SLC9A9: variants seen among roughly 807,000 people sequenced by gnomAD.
The protein encoded by SLC9A9 is solute carrier family 9 member A9, also known as sodium/hydrogen exchanger 9.
In SLC9A9, 62 loss-of-function variants were observed where a neutral mutation model predicts 77.8. That is an observed-to-expected ratio of 0.80 (90% CI 0.65 to 0.98). The LOEUF (loss-of-function observed/expected upper bound fraction) is 0.98, where lower values mean the gene tolerates loss of function less well. SLC9A9 is among the 50% of genes least tolerant of loss of function. The pLI, the probability that SLC9A9 is intolerant of heterozygous loss-of-function variation, is 0.00. For missense variants in SLC9A9, 775 were observed against 774.9 expected, an observed-to-expected ratio of 1.00 and a Z score of 0.00; for synonymous variants, 320 against 283.5, an observed-to-expected ratio of 1.13 and a Z score of -1.29.
chr3:143,592,628 G>A (rs983087748), intron 6 of SLC9A9, among the ~76,000 whole-genome samples: 2 of 152,208 alleles, frequency 1.3e-5, no homozygotes, highest in Non-Finnish European at 2.9e-5. Flanking sequence ...GGGAGTGACT[G>A]ACAGAGTTGG....
chr3:143,668,324 C>T (rs1195073294), intron 5 of SLC9A9, among the ~76,000 whole-genome samples: 3 of 115,468 alleles, frequency 2.6e-5, no homozygotes, highest in African/African-American at 7.0e-5. Flanking sequence ...CACCCTGGGG[C>T]CTGTCGTGGG....
At chr3:143,537,779 T>C (rs2036616977) in intron 9 of SLC9A9, among the ~76,000 whole-genome samples, 1 of 152,128 alleles carries the variant, frequency 6.6e-6, no homozygotes, top group Non-Finnish European at 1.5e-5. Context: ...GTGCCTCCCT[T>C]TCTCAGAGTG....
At chr3:143,801,245 G>A (rs1046551178) in intron 2 of SLC9A9, among the ~76,000 whole-genome samples, 10 of 152,128 alleles carry the variant, frequency 6.6e-5, no homozygotes, top group Non-Finnish European at 1.2e-4. Context: ...CCGGGACCGC[G>A]CCCTGTAGAC....
At chr3:143,494,257 C>A (rs2035796510) in intron 10 of SLC9A9, among the ~76,000 whole-genome samples, 1 of 152,192 alleles carries the variant, frequency 6.6e-6, no homozygotes, top group Non-Finnish European at 1.5e-5. Context: ...GAGGAATTAC[C>A]TGTCTAATTA....
intron 6 of SLC9A9, among the ~76,000 whole-genome samples, chr3:143,629,999 T>C (rs2038393473): frequency 6.6e-6 from 1 of 152,120 alleles, no homozygotes; most frequent in Non-Finnish European, 1.5e-5. Flanking sequence ...TCCAATTATA[T>C]TATTTTTACT....
chr3:143,812,172 A>T (rs1019855838), intron 2 of SLC9A9, among the ~76,000 whole-genome samples: 1 of 152,210 alleles, frequency 6.6e-6, no homozygotes, highest in Non-Finnish European at 1.5e-5. Context: ...ACTTTGTATT[A>T]CTCCTAAGAA....
chr3:143,419,245 C>A (rs2034253485), intron 12 of SLC9A9, among the ~76,000 whole-genome samples: 1 of 152,184 alleles, frequency 6.6e-6, no homozygotes. Flanking sequence ...AGGCACCACT[C>A]TAAGCACCTC....
chr3:143,393,063 A>G (rs1013648403), intron 12 of SLC9A9, among the ~76,000 whole-genome samples: 7 of 152,224 alleles, frequency 4.6e-5, no homozygotes, highest in African/African-American at 1.7e-4. Flanking sequence ...AAGGATATCC[A>G]GGAATTGAAC....
intron 12 of SLC9A9, among the ~76,000 whole-genome samples, chr3:143,448,697 C>T (rs868752438): frequency 4.7e-5 from 7 of 149,420 alleles, no homozygotes; most frequent in African/African-American, 7.4e-5. Context: ...AGAATCTATC[C>T]TAAGAAAGAA....
At chr3:143,448,125 G>A (rs558292638) in intron 12 of SLC9A9, among the ~76,000 whole-genome samples, 2 of 152,220 alleles carry the variant, frequency 1.3e-5, no homozygotes, top group South Asian at 2.1e-4. Context: ...TGCTTCATTG[G>A]CCAGACAGCC....
intron 14 of SLC9A9, among the ~76,000 whole-genome samples, chr3:143,275,517 G>T (rs1938019797): frequency 6.6e-6 from 1 of 152,026 alleles, no homozygotes; most frequent in South Asian, 2.1e-4. Flanking sequence ...TCTTCAATAT[G>T]TGTCACTTTC....
intron 6 of SLC9A9, among the ~76,000 whole-genome samples, chr3:143,650,574 T>A (rs1271708134): frequency 2.0e-5 from 3 of 152,208 alleles, no homozygotes; most frequent in Non-Finnish European, 4.4e-5. Flanking sequence ...TATTTGAATA[T>A]GTAAGCTTTG....
At chr3:143,357,876 G>A (rs1228858032) in intron 14 of SLC9A9, among the ~76,000 whole-genome samples, 1 of 152,122 alleles carries the variant, frequency 6.6e-6, no homozygotes, top group Non-Finnish European at 1.5e-5. Flanking sequence ...GTTTCAGCCA[G>A]TCAGGATAGG....
intron 14 of SLC9A9, among the ~76,000 whole-genome samples, chr3:143,313,833 A>C (rs1244118891): frequency 1.3e-5 from 2 of 152,164 alleles, no homozygotes; most frequent in Non-Finnish European, 2.9e-5. Flanking sequence ...TGGGCCTGCC[A>C]CTCATTGGAA....
intron 9 of SLC9A9, among the ~76,000 whole-genome samples, chr3:143,525,651 G>A (rs1219590741): frequency 6.6e-6 from 1 of 152,140 alleles, no homozygotes; most frequent in African/African-American, 2.4e-5. Context: ...GAGTACCAAG[G>A]AACATGTTGT....
At chr3:143,652,220 G>T in intron 6 of SLC9A9, 35 bp downstream of exon 6, 1 of 1,509,918 alleles carries the variant, frequency 6.6e-7, no homozygotes, top group Non-Finnish European at 9.2e-7. Context: ...TATTTCACAT[G>T]ATTAAAGAAA....
At position 143,449,049 on chromosome 3, in the gene SLC9A9, T is replaced by TA. The variant is rs1483771976; in HGVS notation, c.1469+17987dup. Among the ~76,000 whole-genome samples the TA allele has an allele frequency of 3.1e-4, 8 of 26,088 alleles. 2 individuals are homozygous for TA. The highest frequency in any genetic ancestry group is 9.4e-4 in the African/African-American group (5 of 5,300). The allele number at this position is 26,088 out of a possible 152,430, so 17.1% of individuals were successfully genotyped here. The stretch of plus-strand genomic sequence containing the variant: ...TATATAATTATATAAAATATAATTA[T>TA]ATTATATAATTATATAAATATAATT... On this transcript the variant is annotated intron_variant, in intron 12 of 15. Coordinates refer to ENST00000316549, the MANE Select transcript of SLC9A9 (RefSeq NM_173653.4).
intron 2 of SLC9A9, among the ~76,000 whole-genome samples, chr3:143,816,644 A>C (rs1290721286): frequency 2.0e-5 from 3 of 152,210 alleles, no homozygotes; most frequent in Non-Finnish European, 4.4e-5. Flanking sequence ...GTCTGTGTAT[A>C]CATGTGAGAG....
intron 9 of SLC9A9, among the ~76,000 whole-genome samples, chr3:143,547,588 T>A (rs1338389896): frequency 6.6e-6 from 1 of 152,244 alleles, no homozygotes; most frequent in Non-Finnish European, 1.5e-5. Flanking sequence ...CTCTGCTATT[T>A]CTCTCATACT....
Sources: allele counts gnomAD v4.1 joint callset (sites outside exome capture counted in the v4.1 genomes callset), GRCh38; gene constraint gnomAD v4.1.1; transcripts MANE v1.5; gene names NCBI Gene and HGNC (gene_info 2026-07-23, HGNC 2026-07-21).